The following HGF variants were observed in gnomAD, a reference collection of about 807,000 sequenced individuals.
HGF encodes fibroblast-derived tumor cytotoxic factor.
A neutral mutation model predicts 111.6 loss-of-function variants in HGF; 39 were observed. The ratio of observed to expected loss-of-function variants is 0.35; its 90% CI spans 0.27 to 0.46. The LOEUF (loss-of-function observed/expected upper bound fraction) is 0.46. HGF is among the 20% of genes least tolerant of loss of function. The probability of loss-of-function intolerance (pLI) is 1.00; values close to 1 mark genes in which losing one functional copy is unlikely to be tolerated. For synonymous variants in HGF, 285 were observed against 294.8 expected, an observed-to-expected ratio of 0.97 and a Z score of 0.34; for missense variants, 735 against 910.5, an observed-to-expected ratio of 0.81 and a Z score of 2.48.
chr7:81,751,971 A>C, intron 5 of HGF, 149 bp downstream of exon 5: 2 of 1,443,300 alleles, frequency 1.4e-6, no homozygotes, highest in Non-Finnish European at 1.8e-6. Context: ...AAAACATTGT[A>C]TAAAAATGTT....
intron 7 of HGF, among the ~76,000 whole-genome samples, chr7:81,740,819 C>G (rs1787974906): frequency 1.3e-5 from 2 of 152,116 alleles, no homozygotes; most frequent in African/African-American, 4.8e-5. Flanking sequence ...TAGATGAGAC[C>G]TGAGGTGAGG....
chr7:81,732,334 T>C (rs1787692591), intron 7 of HGF, among the ~76,000 whole-genome samples: 1 of 152,188 alleles, frequency 6.6e-6, no homozygotes, highest in Non-Finnish European at 1.5e-5. Context: ...AATTTCTAAA[T>C]ATGGAAGCAG....
In HGF at chr7:81,743,470, A is replaced by G; in HGVS notation, c.748T>C (p.Tyr250His). 1 of 1,591,260 alleles carries G rather than the reference A, an allele frequency of 6.3e-7. No individual in the cohort carries two copies. The highest frequency in any genetic ancestry group is 8.6e-7 in the Non-Finnish European group (1 of 1,159,096). ...PHRHKFLPER[Y>H]PDKGFDDNYC... ...TTATCATCAAAGCCCTTGTCGGGAT[A>G]TCTGCAAACCACACCAAGAAAAGTG... is the stretch of plus-strand genomic sequence containing the variant. Residue 250 changes from tyrosine to histidine, a missense_variant and splice_region_variant, in exon 7 of 18, where the codon TAT becomes CAT. Around this residue, in one of 3 missense-constraint regions of HGF, gnomAD observed 553 missense variants for 685.6 expected, o/e 0.81. Transcript: ENST00000222390.
intron 4 of HGF, 67 bp downstream of exon 4, chr7:81,757,122 C>G: frequency 1.2e-6 from 1 of 834,434 alleles, no homozygotes; most frequent in Non-Finnish European, 2.1e-6. Flanking sequence ...TTCTGAAGGA[C>G]TAATATGAGA....
chr7:81,744,958 T>G, intron 6 of HGF, 42 bp downstream of exon 6: 1 of 1,604,624 alleles, frequency 6.2e-7, no homozygotes, highest in Non-Finnish European at 8.5e-7. Flanking sequence ...GAATAATAGT[T>G]TGTAAAAGAA....
intron 17 of HGF, among the ~76,000 whole-genome samples, chr7:81,704,967 C>T (rs762664688): frequency 1.1e-4 from 16 of 151,744 alleles, no homozygotes; most frequent in Non-Finnish European, 2.2e-4. Flanking sequence ...AACAGCTTAC[C>T]CAAAAAGAGA....
At chr7:81,727,265 A>C (rs558078398) in intron 8 of HGF, among the ~76,000 whole-genome samples, 37 of 151,762 alleles carry the variant, frequency 2.4e-4, no homozygotes, top group African/African-American at 8.7e-4. Context: ...GGATGGTCTC[A>C]ATCTCCTGAC....
Position 81,769,930 on chromosome 7 carries a change from A to C in HGF, c.42T>G (p.His14Gln). Residue 14 changes from histidine (H) to glutamine (Q), a missense_variant, in exon 1 of 18, where the codon CAT (histidine) becomes CAG (glutamine). His to Gln is a conservative substitution (Grantham distance 24). This residue lies in a region of HGF where 553 missense variants were observed against 685.6 expected (regional missense o/e 0.81). Transcript: ENST00000222390. ...TKLLPALLLQ[H>Q]VLLHLLLLPI... ...GGAGCAGGAGGAGATGCAGGAGGAC[A>C]TGCTGCAGCAGCAGGGCTGGCAGGA... 1 of 1,567,628 alleles carries C rather than the reference A, an allele frequency of 6.4e-7. No individual in the cohort carries two copies. The highest frequency in any genetic ancestry group is 8.7e-7 in the Non-Finnish European group (1 of 1,155,330).
In HGF at chr7:81,725,973, G is replaced by T; in HGVS notation, c.1085C>A (p.Ser362Ter). The T allele has an allele frequency of 6.2e-7, 1 of 1,613,724 alleles. No homozygotes were observed. The highest frequency in any genetic ancestry group is 8.5e-7 in the Non-Finnish European group (1 of 1,179,638). Residue 362 changes from serine to a stop codon, truncating the protein, a stop_gained, in exon 9 of 18, where the codon TCA becomes TAA. Transcript: ENST00000222390. LOFTEE classifies it high-confidence loss of function. Reference sequence around the variant, plus strand: ...TGGATCAGTGGTAAAACACCAGGGTGATTCAGACCCATCTGGATTTCGGCA... The same window carrying T: ...TGGATCAGTGGTAAAACACCAGGGTTATTCAGACCCATCTGGATTTCGGCA... ...NYCRNPDGSE[S>*]PWCFTTDPNI...
chr7:81,768,671 A>G (rs1008253347), intron 1 of HGF, among the ~76,000 whole-genome samples: 4 of 152,098 alleles, frequency 2.6e-5, no homozygotes, highest in Non-Finnish European at 4.4e-5. Flanking sequence ...GAGCCACCGC[A>G]CCCGACCCTG....
chr7:81,720,568 A>G (rs1381176264), intron 10 of HGF, among the ~76,000 whole-genome samples, 177 bp downstream of exon 10: 1 of 152,374 alleles, frequency 6.6e-6, no homozygotes, highest in South Asian at 2.1e-4. Flanking sequence ...CATATTTAAA[A>G]GTTTGCTACA....
chr7:81,716,638 A>C (rs1789719423), intron 11 of HGF, among the ~76,000 whole-genome samples: 1 of 152,140 alleles, frequency 6.6e-6, no homozygotes, highest in Admixed American at 6.5e-5. Flanking sequence ...GAATTATACC[A>C]GACATGTATT....
intron 13 of HGF, among the ~76,000 whole-genome samples, chr7:81,709,173 A>G (rs1173418950): frequency 6.6e-6 from 1 of 152,148 alleles, no homozygotes; most frequent in Non-Finnish European, 1.5e-5. Context: ...AGGGTATTCT[A>G]AAAGAGGGGA....
chr7:81,716,908 G>T (rs1032690197), intron 11 of HGF, among the ~76,000 whole-genome samples: 5 of 152,130 alleles, frequency 3.3e-5, no homozygotes, highest in African/African-American at 4.8e-5. Flanking sequence ...ATTGGTATTG[G>T]GGGGTGGGGA....
At chr7:81,720,460 C>T (rs891918787) in intron 10 of HGF, among the ~76,000 whole-genome samples, 2 of 152,080 alleles carry the variant, frequency 1.3e-5, no homozygotes, top group African/African-American at 2.4e-5. Flanking sequence ...GAGGTTGGAA[C>T]CAAAACATTA....
At chr7:81,760,450 C>T (rs1789009203) in intron 2 of HGF, among the ~76,000 whole-genome samples, 1 of 152,102 alleles carries the variant, frequency 6.6e-6, no homozygotes, top group Non-Finnish European at 1.5e-5. Context: ...AATGTTCCAC[C>T]TCACACTCAT....
chr7:81,765,781 A>G (rs1266885651), intron 1 of HGF, among the ~76,000 whole-genome samples: 3 of 152,202 alleles, frequency 2.0e-5, no homozygotes, highest in Admixed American at 6.5e-5. Context: ...TTTCTCCTCC[A>G]TATGTATTAA....
intron 1 of HGF, among the ~76,000 whole-genome samples, chr7:81,763,679 T>A (rs2116247795): frequency 6.6e-6 from 1 of 152,270 alleles, no homozygotes; most frequent in African/African-American, 2.4e-5. Context: ...GTATTCTCAA[T>A]TTGCCCAAAA....
intron 2 of HGF, among the ~76,000 whole-genome samples, chr7:81,762,371 GA>G (rs200014747): frequency 6.0e-4 from 90 of 150,722 alleles, no homozygotes; most frequent in African/African-American, 1.9e-3. Context: ...CTCTTGCAAG[GA>G]AAAAAAAAGT....
Sources: allele counts gnomAD v4.1 joint callset (sites outside exome capture counted in the v4.1 genomes callset), GRCh38; gene constraint gnomAD v4.1.1; regional missense constraint gnomAD v4.1.1; transcripts MANE v1.5; gene names NCBI Gene and HGNC (gene_info 2026-07-23, HGNC 2026-07-21).